The following DENND1B variants were observed in gnomAD, a reference collection of about 807,000 sequenced individuals.
DENND1B encodes DENN domain-containing protein 1B.
DENND1B carries 59 observed loss-of-function variants against 90.1 expected under a neutral mutation model. That is an observed-to-expected ratio of 0.65 (90% confidence interval 0.53 to 0.81). DENND1B has a LOEUF of 0.81. Ranked by LOEUF, DENND1B falls within the 40% of genes least tolerant of loss-of-function variation. DENND1B has a pLI of 0.00. For synonymous variants in DENND1B, 337 were observed against 324.6 expected, an observed-to-expected ratio of 1.04 and a Z score of -0.41; for missense variants, 862 against 912.6, an observed-to-expected ratio of 0.94 and a Z score of 0.71.
At chr1:197,531,121 T>C (rs559287259) in intron 20 of DENND1B, among the ~76,000 whole-genome samples, 11 of 152,332 alleles carry the variant, frequency 7.2e-5, no homozygotes, top group African/African-American at 2.6e-4. Context: ...CGGATAATAA[T>C]TCTTGCCCTG....
At position 197,766,646 on chromosome 1, in the gene DENND1B, C is replaced by T. The variant is rs533218793; in HGVS notation, c.82+6222G>A. 5.3e-5 allele frequency among the ~76,000 whole-genome samples: 8 copies of T among 152,208 alleles called. No individual in the cohort carries two copies. The East Asian group carries it at 1.2e-3, about 22-fold the overall frequency. ...TATTCCAAAACAGCCCATTCCAAGA[C>T]ATATATGGACTTCTATTTCTAATGC... On this transcript the variant is annotated intron_variant, in intron 2 of 22. Transcript: ENST00000620048.
chr1:197,528,087 G>C (rs1669276055), intron 20 of DENND1B, among the ~76,000 whole-genome samples: 1 of 152,054 alleles, frequency 6.6e-6, no homozygotes, highest in South Asian at 2.1e-4. Context: ...ACCCTACTAG[G>C]TGTGGACATC....
In DENND1B at chr1:197,540,006, G is replaced by A; in HGVS notation, c.1473C>T (p.His491=). 1.2e-6 allele frequency: 2 copies of A among 1,613,302 alleles called. No homozygotes were observed. The highest frequency in any genetic ancestry group is 1.7e-6 in the Non-Finnish European group (2 of 1,179,576). Residue 491 remains histidine (H), a synonymous_variant, in exon 20 of 23, where the codon CAC becomes CAT. Transcript: ENST00000620048. The part of the protein sequence containing the change: ...SVQYTPVYKL[H]NEKGGNSEKR... ...TTTCTGAGTTTCCTCCCTTTTCATT[G>A]TGTAATTTGTAAACTGGTGTATATT...
chr1:197,747,038 A>G lies in DENND1B; in HGVS notation c.82+25830T>C, dbSNP rs545724314. 8.7e-6 allele frequency: 7 copies of G among 808,156 alleles called. No homozygotes were observed. In the East Asian group the frequency reaches 1.7e-4, roughly 20 times the overall value. 50.1% of individuals were successfully genotyped at this position (808,156 alleles called of 1,614,324 possible). A position where few individuals can be genotyped will look rare whatever the true frequency, so the allele number is the denominator to read the frequency against. ...TTCCTTTTAACATGGCGTTCAAATCAATCATTGACTCCAAAATACTGAGTA... is the reference window on the plus strand; with the variant it reads ...TTCCTTTTAACATGGCGTTCAAATCGATCATTGACTCCAAAATACTGAGTA... On this transcript the variant is annotated intron_variant, in intron 2 of 22. Coordinates refer to ENST00000620048, the MANE Select transcript of DENND1B (RefSeq NM_001195215.2).
chr1:197,570,633 AG>A (rs1400620474), intron 15 of DENND1B, among the ~76,000 whole-genome samples: 1 of 152,144 alleles, frequency 6.6e-6, no homozygotes, highest in African/African-American at 2.4e-5. Flanking sequence ...TATACACTTT[AG>A]TGAATGTACT....
intron 15 of DENND1B, among the ~76,000 whole-genome samples, chr1:197,554,857 G>T (rs1040193950): frequency 5.4e-5 from 8 of 147,406 alleles, no homozygotes; most frequent in African/African-American, 2.0e-4. Context: ...AAAAAAAGAG[G>T]GGGTGGGGAA....
At chr1:197,577,538 T>C (rs1253731746) in intron 15 of DENND1B, among the ~76,000 whole-genome samples, 1 of 152,134 alleles carries the variant, frequency 6.6e-6, no homozygotes, top group Admixed American at 6.6e-5. Flanking sequence ...CCATGGTGAA[T>C]GTATGGTAAG....
At chr1:197,553,221 TA>T in intron 15 of DENND1B, 109 bp from the exon 16 acceptor site, 1 of 817,678 alleles carries the variant, frequency 1.2e-6, no homozygotes, top group South Asian at 2.3e-5. Context: ...AAAACATTAA[TA>T]ACAGACTCTT....
At chr1:197,664,239 T>C (rs1489238068) in intron 5 of DENND1B, among the ~76,000 whole-genome samples, 1 of 152,070 alleles carries the variant, frequency 6.6e-6, no homozygotes, top group Admixed American at 6.6e-5. Context: ...AAAGTCTGTA[T>C]TCTTACAACA....
chr1:197,724,165 TGAATA>T (rs1219814200), intron 2 of DENND1B, among the ~76,000 whole-genome samples: 2 of 152,046 alleles, frequency 1.3e-5, no homozygotes, highest in African/African-American at 4.8e-5. Context: ...CTAAAATTCA[TGAATA>T]GAATCATACT....
chr1:197,779,392 A>G (rs183998319), upstream of DENND1B, among the ~76,000 whole-genome samples: 61 of 152,180 alleles, frequency 4.0e-4, no homozygotes, highest in Admixed American at 3.5e-3. Flanking sequence ...ATCTAGGTGT[A>G]GATTTTTATT....
chr1:197,677,007 C>A (rs1656150496), intron 3 of DENND1B, among the ~76,000 whole-genome samples: 5 of 148,976 alleles, frequency 3.4e-5, no homozygotes, highest in Admixed American at 2.7e-4. Context: ...GAATTTACTT[C>A]AAAAAAAAAC....
intron 14 of DENND1B, among the ~76,000 whole-genome samples, chr1:197,590,894 T>G (rs1360958601): frequency 6.6e-6 from 1 of 152,128 alleles, no homozygotes; most frequent in Non-Finnish European, 1.5e-5. Context: ...TTGCTCAACT[T>G]TGATCTAACA....
At chr1:197,559,732 T>C (rs1358697341) in intron 15 of DENND1B, among the ~76,000 whole-genome samples, 3 of 134,166 alleles carry the variant, frequency 2.2e-5, no homozygotes, top group African/African-American at 8.2e-5. Context: ...TTAATAAGTC[T>C]AATTTAAATA....
chr1:197,564,202 G>C (rs1289432106), intron 15 of DENND1B, among the ~76,000 whole-genome samples: 1 of 151,750 alleles, frequency 6.6e-6, no homozygotes, highest in Non-Finnish European at 1.5e-5. Flanking sequence ...TTTGAAAGAA[G>C]TTCTACTGTG....
intron 14 of DENND1B, among the ~76,000 whole-genome samples, chr1:197,590,313 C>T (rs1675083263): frequency 6.6e-6 from 1 of 152,074 alleles, no homozygotes; most frequent in African/African-American, 2.4e-5. Context: ...TAGTTGGTCA[C>T]CGAATGAGGA....
chr1:197,727,361 C>G (rs535760078), intron 2 of DENND1B, among the ~76,000 whole-genome samples: 62 of 152,030 alleles, frequency 4.1e-4, no homozygotes, highest in Non-Finnish European at 6.3e-4. Flanking sequence ...CAGTGAAACC[C>G]CATCTCTACT....
chr1:197,690,582 G>T, intron 3 of DENND1B: 1 of 240,012 alleles, frequency 4.2e-6, no homozygotes. Flanking sequence ...CAAGAGGGCT[G>T]CTAGAGTTGG....
chr1:197,639,370 T>C (rs1680080132), intron 10 of DENND1B, among the ~76,000 whole-genome samples: 1 of 152,116 alleles, frequency 6.6e-6, no homozygotes, highest in African/African-American at 2.4e-5. Flanking sequence ...GGCAAGAAAT[T>C]ATCATTTTTA....
Sources: gnomAD v4.1 joint callset for allele counts (sites outside exome capture counted in the v4.1 genomes callset) on GRCh38, gnomAD v4.1.1 for gene constraint, MANE v1.5 for transcripts, NCBI Gene and HGNC (gene_info 2026-07-23, HGNC 2026-07-21) for gene names.